The following FOXP1 variants were observed in gnomAD, a reference collection of about 807,000 sequenced individuals.
FOXP1 encodes forkhead box protein P1.
A neutral mutation model predicts 98.2 loss-of-function variants in FOXP1; 15 were observed. The ratio of observed to expected loss-of-function variants is 0.15; its 90% CI spans 0.10 to 0.24. The LOEUF is 0.24. Among genes scored for constraint, FOXP1 ranks in the 10% least tolerant of loss-of-function variants. The probability of loss-of-function intolerance (pLI) is 1.00; values close to 1 mark genes in which losing one functional copy is unlikely to be tolerated. For missense variants in FOXP1, 633 were observed against 848.5 expected (o/e 0.75, Z 3.15); for synonymous variants, 371 against 314.5 (o/e 1.18, Z -1.90).
intron 6 of FOXP1, among the ~76,000 whole-genome samples, chr3:71,176,173 G>GT (rs1443324119): frequency 6.6e-6 from 1 of 152,140 alleles, no homozygotes; most frequent in Non-Finnish European, 1.5e-5. Context: ...AACACAGAAG[G>GT]TATTTCCCTC....
At chr3:71,274,439 G>C (rs1032962012) in intron 5 of FOXP1, among the ~76,000 whole-genome samples, 1 of 152,118 alleles carries the variant, frequency 6.6e-6, no homozygotes, top group African/African-American at 2.4e-5. Flanking sequence ...GGAGTTGCTG[G>C]AGCTCGTCAC....
chr3:71,503,505 A>C (rs1235580641), intron 2 of FOXP1, among the ~76,000 whole-genome samples: 1 of 151,272 alleles, frequency 6.6e-6, no homozygotes, highest in Non-Finnish European at 1.5e-5. Context: ...GGAGGTTGAG[A>C]CAGGAGAATC....
At chr3:71,113,036 C>G (rs1340358948) in intron 6 of FOXP1, among the ~76,000 whole-genome samples, 1 of 152,050 alleles carries the variant, frequency 6.6e-6, no homozygotes, top group East Asian at 1.9e-4. Context: ...CCAAATTCTT[C>G]TTGGGGAAAT....
intron 2 of FOXP1, among the ~76,000 whole-genome samples, chr3:71,553,871 T>C (rs1326810633): frequency 6.6e-6 from 1 of 152,224 alleles, no homozygotes; most frequent in Non-Finnish European, 1.5e-5. Context: ...TCTACGTATA[T>C]ATAAAATTAT....
At chr3:70,969,199 G>C (rs968671005) in intron 19 of FOXP1, 2 of 150,324 alleles carry the variant, frequency 1.3e-5, no homozygotes, top group Non-Finnish European at 2.9e-5. Flanking sequence ...ATTCCAGATA[G>C]AGCAGGCTTT....
At chr3:71,157,325 G>T (rs138296551) in intron 6 of FOXP1, among the ~76,000 whole-genome samples, 1 of 152,264 alleles carries the variant, frequency 6.6e-6, no homozygotes, top group East Asian at 1.9e-4. Flanking sequence ...TCCAAATTTG[G>T]AATGCCTTTT....
chr3:71,313,057 C>CTTT (rs1227506558), intron 4 of FOXP1, among the ~76,000 whole-genome samples: 110 of 119,016 alleles, frequency 9.2e-4, no homozygotes, highest in Non-Finnish European at 1.1e-3. Context: ...AACTTTAATT[C>CTTT]TTTTTTTTTT....
chr3:70,986,238 C>T (rs993324366), intron 14 of FOXP1, among the ~76,000 whole-genome samples: 2 of 152,156 alleles, frequency 1.3e-5, no homozygotes, highest in Non-Finnish European at 2.9e-5. Flanking sequence ...CTTTTGTGGC[C>T]CACAGGGGCT....
intron 7 of FOXP1, among the ~76,000 whole-genome samples, chr3:71,075,313 G>T (rs949443885): frequency 5.9e-5 from 9 of 152,232 alleles, no homozygotes; most frequent in Admixed American, 5.9e-4. Context: ...CTGGCACACA[G>T]TAAGCACTTA....
chr3:71,210,068 C>T (rs2064337278), intron 5 of FOXP1, among the ~76,000 whole-genome samples: 1 of 152,128 alleles, frequency 6.6e-6, no homozygotes, highest in Admixed American at 6.6e-5. Context: ...TAAAGATACA[C>T]CTAAGTGGAT....
intron 5 of FOXP1, among the ~76,000 whole-genome samples, chr3:71,281,669 A>T (rs1307262526): frequency 1.3e-5 from 2 of 152,222 alleles, no homozygotes; most frequent in African/African-American, 2.4e-5. Flanking sequence ...TGAACCTCAC[A>T]AACAGCCCTG....
At position 71,348,540 on chromosome 3, in the gene FOXP1, T is replaced by C. The variant is rs1453677897; in HGVS notation, c.-73+10610A>G. The stretch of plus-strand genomic sequence containing the variant: ...GTGTGTGCGTGTGTGTGTGTGTGTG[T>C]GTGTGTGTGCGTGCGCGCGCGCACG... On this transcript the variant is annotated intron_variant, in intron 4 of 20. Transcript: ENST00000649528. Among the ~76,000 whole-genome samples, 152 of 71,892 alleles carry C rather than the reference T, an allele frequency of 2.1e-3. 1 individual carries two copies. The highest frequency in any genetic ancestry group is 0.013 in the East Asian group (18 of 1,368). The allele number at this position is 71,892 out of a possible 152,430, so 47.2% of individuals were successfully genotyped here. A position where few individuals can be genotyped will look rare whatever the true frequency, so the allele number is the denominator to read the frequency against.
chr3:71,480,789 C>T (rs2090208913), intron 3 of FOXP1, among the ~76,000 whole-genome samples: 1 of 152,020 alleles, frequency 6.6e-6, no homozygotes, highest in South Asian at 2.1e-4. Context: ...AGTGGGAAGC[C>T]CATGCATGGT....
At chr3:71,389,926 C>T (rs2080906364) in intron 3 of FOXP1, among the ~76,000 whole-genome samples, 2 of 152,138 alleles carry the variant, frequency 1.3e-5, no homozygotes, top group South Asian at 4.1e-4. Flanking sequence ...AAAAGGCCAT[C>T]CTGCCAGTGG....
chr3:71,174,615 C>T (rs956137089), intron 6 of FOXP1, among the ~76,000 whole-genome samples: 1 of 152,102 alleles, frequency 6.6e-6, no homozygotes, highest in African/African-American at 2.4e-5. Context: ...CTGAATACAT[C>T]AGGGGTATCC....
intron 5 of FOXP1, among the ~76,000 whole-genome samples, chr3:71,246,762 C>T (rs1393659912): frequency 6.6e-6 from 1 of 152,126 alleles, no homozygotes; most frequent in Non-Finnish European, 1.5e-5. Flanking sequence ...GCCAGTTCAG[C>T]GCGTCTTAGC....
chr3:71,051,137 C>G (rs538293778), intron 9 of FOXP1, among the ~76,000 whole-genome samples: 1 of 152,334 alleles, frequency 6.6e-6, no homozygotes, highest in Admixed American at 6.5e-5. Flanking sequence ...ACAGTGATAT[C>G]TCACAATTAC....
At chr3:70,987,920 C>T (rs930151856) in intron 14 of FOXP1, 74 bp downstream of exon 14, 153 of 1,381,550 alleles carry the variant, frequency 1.1e-4, no homozygotes, top group Admixed American at 2.2e-4. Context: ...CTCCTTCCTC[C>T]ATTTGGGGTG....
intron 2 of FOXP1, among the ~76,000 whole-genome samples, chr3:71,522,221 G>A (rs2043046729): frequency 6.6e-6 from 1 of 152,130 alleles, no homozygotes; most frequent in Non-Finnish European, 1.5e-5. Context: ...GGGTCCCTGG[G>A]CTCATCTGTC....
Sources: allele counts gnomAD v4.1 joint callset (sites outside exome capture counted in the v4.1 genomes callset), GRCh38; gene constraint gnomAD v4.1.1; transcripts MANE v1.5; gene names NCBI Gene and HGNC (gene_info 2026-07-23, HGNC 2026-07-21).